MITF: variants seen among roughly 807,000 people sequenced by gnomAD.
MITF encodes the protein melanocyte inducing transcription factor.
In MITF, 17 loss-of-function variants were observed where a neutral mutation model predicts 60.5. That is an observed-to-expected ratio of 0.28 (90% CI 0.19 to 0.42). The LOEUF (loss-of-function observed/expected upper bound fraction) is 0.42. MITF is among the 10% of genes least tolerant of loss of function. The pLI is 1.00. For synonymous variants in MITF, 260 were observed against 248.5 expected, an observed-to-expected ratio of 1.05 and a Z score of -0.43; for missense variants, 622 against 683.5, an observed-to-expected ratio of 0.91 and a Z score of 1.00.
At chr3:69,886,931 T>A (rs886862704) in intron 2 of MITF, among the ~76,000 whole-genome samples, 2 of 152,114 alleles carry the variant, frequency 1.3e-5, no homozygotes, top group African/African-American at 4.8e-5. Flanking sequence ...TAGTTCTGAG[T>A]ATTTACTAAT....
chr3:69,897,504 C>G (rs1238913835), intron 2 of MITF, among the ~76,000 whole-genome samples: 2 of 152,144 alleles, frequency 1.3e-5, no homozygotes, highest in Non-Finnish European at 2.9e-5. Flanking sequence ...CTGCTACCAT[C>G]TTTTTTGGTA....
intron 1 of MITF, among the ~76,000 whole-genome samples, chr3:69,860,569 G>A (rs1189782127): frequency 1.7e-5 from 2 of 120,558 alleles, no homozygotes; most frequent in South Asian, 5.1e-4. Context: ...CAGCACTCCC[G>A]CCTGGGCGAC....
chr3:69,753,499 C>T (rs1704013144), intron 1 of MITF, among the ~76,000 whole-genome samples: 1 of 152,246 alleles, frequency 6.6e-6, no homozygotes, highest in South Asian at 2.1e-4. Context: ...CCTCCAGACC[C>T]CAGAATGGTA....
At position 69,958,651 on chromosome 3, in the gene MITF, C is replaced by G. The variant is rs541128913; in HGVS notation, c.1032-622C>G. Among the ~76,000 whole-genome samples, 53 of 151,248 alleles carry G rather than the reference C, an allele frequency of 3.5e-4. No individual in the cohort carries two copies. In the Middle Eastern group the frequency reaches 0.01, roughly 30 times the overall value. On this transcript the variant is annotated intron_variant, in intron 8 of 9. Transcript: ENST00000352241. ...GTGAGATCTCACAGATCTGTTTTACCATCGTTTATTCTCACTGAGTTAACT... is the reference window on the plus strand; with the variant it reads ...GTGAGATCTCACAGATCTGTTTTACGATCGTTTATTCTCACTGAGTTAACT...
chr3:69,866,415 G>C, intron 1 of MITF: 1 of 1,588,084 alleles, frequency 6.3e-7, no homozygotes. Context: ...TTCTCTTTAA[G>C]GGGGAGGATA....
At chr3:69,884,469 C>T (rs1033028483) in intron 2 of MITF, among the ~76,000 whole-genome samples, 3 of 152,152 alleles carry the variant, frequency 2.0e-5, no homozygotes, top group African/African-American at 7.2e-5. Context: ...TCAAGGTCCA[C>T]TCTTCCCTAT....
At chr3:69,922,508 C>A (rs934023852) in intron 2 of MITF, among the ~76,000 whole-genome samples, 4 of 152,152 alleles carry the variant, frequency 2.6e-5, no homozygotes, top group African/African-American at 4.8e-5. Context: ...GAGTGAGCCA[C>A]CACACCCGGC....
At chr3:69,890,241 G>A (rs958516045) in intron 2 of MITF, among the ~76,000 whole-genome samples, 2 of 152,032 alleles carry the variant, frequency 1.3e-5, no homozygotes, top group East Asian at 1.9e-4. Context: ...AAGCAGCAAC[G>A]AGTCACCCTT....
intron 2 of MITF, among the ~76,000 whole-genome samples, chr3:69,889,487 TAA>T (rs372955963): frequency 1.6e-4 from 21 of 130,084 alleles, no homozygotes; most frequent in South Asian, 2.4e-4. Flanking sequence ...CTAAAAATAG[TAA>T]AAAAAAAAAA....
intron 1 of MITF, among the ~76,000 whole-genome samples, chr3:69,831,679 G>A (rs1473464949): frequency 1.3e-5 from 2 of 152,152 alleles, no homozygotes; most frequent in Non-Finnish European, 2.9e-5. Context: ...CTCAGTGCCA[G>A]GTAAGTAAAA....
chr3:69,837,803 A>G (rs553604500), intron 1 of MITF, among the ~76,000 whole-genome samples: 1 of 152,342 alleles, frequency 6.6e-6, no homozygotes, highest in South Asian at 2.1e-4. Flanking sequence ...ACTTGATTAC[A>G]AACTGTTGCC....
chr3:69,742,992 C>A (rs1359543483), intron 1 of MITF, among the ~76,000 whole-genome samples: 2 of 152,202 alleles, frequency 1.3e-5, no homozygotes, highest in African/African-American at 4.8e-5. Flanking sequence ...TGCTAGACTG[C>A]AAACTCCAAG....
intron 1 of MITF, among the ~76,000 whole-genome samples, chr3:69,784,804 C>A (rs1455083701): frequency 1.3e-5 from 2 of 152,074 alleles, no homozygotes; most frequent in African/African-American, 4.8e-5. Context: ...TTATAAAGGA[C>A]TTCTTAAAAT....
intron 1 of MITF, among the ~76,000 whole-genome samples, chr3:69,835,141 C>A (rs185786759): frequency 6.7e-6 from 1 of 149,800 alleles, no homozygotes; most frequent in East Asian, 1.9e-4. Flanking sequence ...TTTCAATCTC[C>A]CAAGTAGCTG....
chr3:69,788,863 A>G (rs935119598), intron 1 of MITF, among the ~76,000 whole-genome samples: 1 of 152,204 alleles, frequency 6.6e-6, no homozygotes, highest in Non-Finnish European at 1.5e-5. Context: ...CAGTCTCTTC[A>G]TCAAATGGGG....
intron 2 of MITF, among the ~76,000 whole-genome samples, chr3:69,937,554 TGAG>T (rs1426668768): frequency 1.3e-5 from 2 of 152,288 alleles, no homozygotes; most frequent in East Asian, 3.9e-4. Context: ...TTATTAGATA[TGAG>T]AAGAAGGATA....
At chr3:69,806,699 A>C (rs1015935677) in intron 1 of MITF, among the ~76,000 whole-genome samples, 4 of 152,168 alleles carry the variant, frequency 2.6e-5, no homozygotes, top group African/African-American at 9.7e-5. Context: ...TGAAGATGAA[A>C]GACAAAAGTG....
chr3:69,791,728 G>A (rs754142071), intron 1 of MITF, among the ~76,000 whole-genome samples: 3 of 152,194 alleles, frequency 2.0e-5, no homozygotes, highest in African/African-American at 7.2e-5. Context: ...GCAAAATACT[G>A]GAATGCAGCA....
chr3:69,911,596 T>A (rs539763828), intron 2 of MITF, among the ~76,000 whole-genome samples: 1 of 152,250 alleles, frequency 6.6e-6, no homozygotes, highest in South Asian at 2.1e-4. Flanking sequence ...ACCTAGAATA[T>A]ATAAAGAACT....
Sources: gnomAD v4.1 joint callset for allele counts (sites outside exome capture counted in the v4.1 genomes callset) on GRCh38, gnomAD v4.1.1 for gene constraint, MANE v1.5 for transcripts, NCBI Gene and HGNC (gene_info 2026-07-23, HGNC 2026-07-21) for gene names.